The following DNAJC12 variants were observed in gnomAD, a reference collection of about 807,000 sequenced individuals.
DNAJC12 encodes DnaJ heat shock protein family (Hsp40) member C12.
Under a neutral mutation model 28.5 loss-of-function variants are expected in DNAJC12, and 25 were observed. The ratio of observed to expected loss-of-function variants is 0.88; its 90% CI spans 0.64 to 1.22. The LOEUF (loss-of-function observed/expected upper bound fraction) is 1.22. DNAJC12 is among the 50% of genes most tolerant of loss of function. The probability of loss-of-function intolerance (pLI) is 0.00; values close to 1 mark genes in which losing one functional copy is unlikely to be tolerated. For missense variants in DNAJC12, 222 were observed against 231.7 expected (o/e 0.96, Z 0.27); for synonymous variants, 77 against 80.6 (o/e 0.95, Z 0.24).
chr10:67,820,102 T>C (rs1160106472), intron 2 of DNAJC12, among the ~76,000 whole-genome samples: 1 of 152,170 alleles, frequency 6.6e-6, no homozygotes, highest in Non-Finnish European at 1.5e-5. Flanking sequence ...GTCAGGGATG[T>C]GTGTGAACCA....
intron 1 of DNAJC12, among the ~76,000 whole-genome samples, chr10:67,824,457 A>G (rs992239135): frequency 1.3e-5 from 2 of 151,864 alleles, no homozygotes; most frequent in African/African-American, 4.8e-5. Flanking sequence ...AAATTAAATG[A>G]AAAAGAACAT....
At chr10:67,815,542 A>C (rs929354340) in intron 2 of DNAJC12, among the ~76,000 whole-genome samples, 51 of 151,858 alleles carry the variant, frequency 3.4e-4, no homozygotes, top group Non-Finnish European at 6.8e-4. Flanking sequence ...AGAAAAAAAA[A>C]GATGGGGCTA....
intron 3 of DNAJC12, chr10:67,808,646 A>G (rs570769717): frequency 3.9e-5 from 6 of 152,262 alleles, no homozygotes; most frequent in African/African-American, 1.2e-4. Flanking sequence ...GAAATAAAAA[A>G]TTTTGTTTAC....
chr10:67,797,121 T>G lies in DNAJC12; in HGVS notation c.592A>C (p.Ile198Leu), dbSNP rs772751387. The change falls in exon 5 of 5, where the codon ATA becomes CTA. Residue 198 changes from isoleucine to leucine, a missense_variant. By Grantham distance (5) the Ile-to-Leu change is conservative. Coordinates refer to ENST00000225171, the MANE Select transcript of DNAJC12 (RefSeq NM_021800.3). ...TTTTTTGAAGCAGAGATATTTCATATTTCATAGTTTCTGAACTTCCTCAGG... is the reference window on the plus strand; with the variant it reads ...TTTTTTGAAGCAGAGATATTTCATAGTTCATAGTTTCTGAACTTCCTCAGG... ...ELLRKFRNYE[I>L] 1 of 1,612,762 alleles carries G rather than the reference T, an allele frequency of 6.2e-7. No homozygotes were observed. The highest frequency in any genetic ancestry group is 1.7e-5 in the Admixed American group (1 of 59,876).
chr10:67,833,986 A>C, intron 1 of DNAJC12: 2 of 457,070 alleles, frequency 4.4e-6, no homozygotes, highest in Non-Finnish European at 9.0e-6. Context: ...ACTGCCAAAA[A>C]AGGGAAAATA....
intron 1 of DNAJC12, among the ~76,000 whole-genome samples, chr10:67,826,646 CTAATGATATATATTATATATATCAT>C (rs1842033904): frequency 8.1e-6 from 1 of 123,874 alleles, no homozygotes; most frequent in African/African-American, 3.1e-5. Flanking sequence ...TATAAGATAT[CTAATGATATATATTATATATATCAT>C]TATATATAAG....
rs116434900 is a variant in DNAJC12, at chr10:67,828,997, C to G, written c.79-5605G>C. Among the ~76,000 whole-genome samples the G allele has an allele frequency of 4.8e-3, 732 of 152,092 alleles. 4 individuals carry two copies. The highest frequency in any genetic ancestry group is 0.017 in the African/African-American group (705 of 41,492). ...TAAAACACAAATAAGACAGCTCGGGCGCAGAGGGAGGTGGGGGGAAAGTCT... is the reference window on the plus strand; with the variant it reads ...TAAAACACAAATAAGACAGCTCGGGGGCAGAGGGAGGTGGGGGGAAAGTCT... On this transcript the variant is annotated intron_variant, in intron 1 of 4. Coordinates refer to ENST00000225171, the MANE Select transcript of DNAJC12 (RefSeq NM_021800.3).
chr10:67,818,584 T>C (rs11817498), intron 2 of DNAJC12, among the ~76,000 whole-genome samples: 3,440 of 152,246 alleles, frequency 0.023, 139 homozygotes, highest in African/African-American at 0.078. Flanking sequence ...CTCACAGTCA[T>C]GCTTCACTGA....
intron 2 of DNAJC12, among the ~76,000 whole-genome samples, chr10:67,818,765 C>G (rs1230719497): frequency 6.6e-6 from 1 of 151,888 alleles, no homozygotes; most frequent in Non-Finnish European, 1.5e-5. Flanking sequence ...ATGCGATTCT[C>G]CTGTCTCAGC....
chr10:67,806,820 G>T (rs1465882940), intron 3 of DNAJC12, among the ~76,000 whole-genome samples: 1 of 59,232 alleles, frequency 1.7e-5, no homozygotes, highest in Non-Finnish European at 3.5e-5. Context: ...GCAAGACTCG[G>T]TCTCAAAAAA....
rs1308031714 is a variant in DNAJC12 at position 67,828,263 on chromosome 10, A to ATGTT, written c.79-4875_79-4872dup. ...TTTCTTGAAAAAAATTGAGACATAT[A>ATGTT]TGTTTGTATGTGTGTGTATATATAT... On this transcript the variant is annotated intron_variant, in intron 1 of 4. Transcript: ENST00000225171. Among the ~76,000 whole-genome samples the ATGTT allele has an allele frequency of 6.6e-5, 10 of 152,184 alleles. No individual in the cohort carries two copies. The South Asian group carries it at 1.7e-3, about 25-fold the overall frequency.
At position 67,805,616 on chromosome 10, in the gene DNAJC12, T is replaced by C; in HGVS notation, c.469A>G (p.Lys157Glu). 1.2e-6 allele frequency: 2 copies of C among 1,611,464 alleles called. No individual in the cohort carries two copies. Among genetic ancestry groups the C allele is most frequent in the South Asian group, 1.1e-5 (1 of 90,490 alleles). ...TEQKEPKPLE[K>E]SVSPQNSDSS... ...TCTGAATTTTGCGGGGAGACTGACT[T>C]CTCTAGGGGCTTGGGTTCTTTCTGC... The change falls in exon 4 of 5, where the codon AAG becomes GAG. Residue 157 changes from lysine (K) to glutamate (E), a missense_variant. Physicochemically the swap from Lys to Glu is moderately conservative, Grantham distance 56. Coordinates refer to ENST00000225171, the MANE Select transcript of DNAJC12 (RefSeq NM_021800.3).
chr10:67,809,400 C>T (rs555229733), intron 3 of DNAJC12, among the ~76,000 whole-genome samples: 1 of 152,258 alleles, frequency 6.6e-6, no homozygotes, highest in East Asian at 1.9e-4. Context: ...TTACTGAATC[C>T]TCACTCCAAA....
intron 2 of DNAJC12, 122 bp from the exon 3 acceptor site, chr10:67,811,785 A>C: frequency 6.8e-7 from 1 of 1,467,110 alleles, no homozygotes; most frequent in Non-Finnish European, 9.0e-7. Context: ...ACCTTGGGCC[A>C]ATTTACCTCA....
At chr10:67,833,906 CT>C (rs1842118281) in intron 1 of DNAJC12, 3 of 480,754 alleles carry the variant, frequency 6.2e-6, no homozygotes, top group Non-Finnish European at 8.6e-6. Flanking sequence ...TCAGTGGTGG[CT>C]ATTACTGAGG....
At chr10:67,803,931 A>G (rs1345119854) in intron 4 of DNAJC12, among the ~76,000 whole-genome samples, 2 of 152,232 alleles carry the variant, frequency 1.3e-5, no homozygotes, top group Non-Finnish European at 2.9e-5. Context: ...ATCAAACTCT[A>G]TGGATCTTCA....
chr10:67,801,506 C>T (rs1231405460), intron 4 of DNAJC12, among the ~76,000 whole-genome samples: 1 of 152,000 alleles, frequency 6.6e-6, no homozygotes, highest in African/African-American at 2.4e-5. Context: ...ACAATGATTC[C>T]CAGTTGGATG....
At chr10:67,809,251 T>C (rs1178498190) in intron 3 of DNAJC12, among the ~76,000 whole-genome samples, 1 of 152,148 alleles carries the variant, frequency 6.6e-6, no homozygotes, top group Non-Finnish European at 1.5e-5. Flanking sequence ...GCCATATATT[T>C]TGGTGCTAGA....
intron 2 of DNAJC12, among the ~76,000 whole-genome samples, chr10:67,819,713 A>G (rs1365903089): frequency 1.4e-4 from 2 of 13,956 alleles, no homozygotes; most frequent in Admixed American, 7.5e-4. Flanking sequence ...GAAGGAAGGA[A>G]GGAAGCAAGG....
Sources: allele counts gnomAD v4.1 joint callset (sites outside exome capture counted in the v4.1 genomes callset), GRCh38; gene constraint gnomAD v4.1.1; transcripts MANE v1.5; gene names NCBI Gene and HGNC (gene_info 2026-07-23, HGNC 2026-07-21).